NLRP4: variants seen among roughly 807,000 people sequenced by gnomAD.
The protein encoded by NLRP4 is NLR family pyrin domain containing 4, also known as NACHT, LRR and PYD domains-containing protein 4.
Under a neutral mutation model 84.7 loss-of-function variants are expected in NLRP4, and 44 were observed. That is an observed-to-expected ratio of 0.52 (90% CI 0.41 to 0.67). The LOEUF is 0.67. Among genes scored for constraint, NLRP4 ranks in the 30% least tolerant of loss-of-function variants. NLRP4 has a pLI of 0.00. For synonymous variants in NLRP4, 544 were observed against 476.4 expected (o/e 1.14, Z -1.85); for missense variants, 1,260 against 1,219.4 (o/e 1.03, Z -0.50).
At chr19:55,849,794 CTG>C in intron 1 of NLRP4, among the ~76,000 whole-genome samples, 2 of 149,770 alleles carry the variant, frequency 1.3e-5, no homozygotes, top group African/African-American at 2.5e-5. Flanking sequence ...ATTTCCAAAG[CTG>C]CGGTGTAATT....
intron 7 of NLRP4, among the ~76,000 whole-genome samples, chr19:55,875,869 A>G (rs1985348105): frequency 1.0e-5 from 1 of 95,486 alleles, no homozygotes; most frequent in Non-Finnish European, 2.1e-5. Flanking sequence ...TCTCTACTGA[A>G]AAAAAAAAAA....
intron 8 of NLRP4, among the ~76,000 whole-genome samples, chr19:55,878,111 T>C (rs755933917): frequency 1.8e-4 from 27 of 152,078 alleles, no homozygotes; most frequent in Non-Finnish European, 3.5e-4. Context: ...AAACCCCATC[T>C]CCATAAAAAT....
chr19:55,873,699 G>A (rs577899689), intron 7 of NLRP4, among the ~76,000 whole-genome samples: 7 of 152,162 alleles, frequency 4.6e-5, no homozygotes, highest in African/African-American at 7.2e-5. Context: ...GGAAGCTTAC[G>A]CAACTGTATG....
chr19:55,865,023 C>T (rs183195527), intron 5 of NLRP4, among the ~76,000 whole-genome samples: 5 of 152,256 alleles, frequency 3.3e-5, no homozygotes, highest in African/African-American at 1.2e-4. Context: ...TTCAGGGGTA[C>T]AGGTTTATTA....
chr19:55,879,102 C>G (rs1045622626), intron 9 of NLRP4, 138 bp downstream of exon 9: 1 of 639,172 alleles, frequency 1.6e-6, no homozygotes, highest in African/African-American at 1.8e-5. Flanking sequence ...GGAGTAAGAA[C>G]CAAGCAGGTG....
intron 2 of NLRP4, among the ~76,000 whole-genome samples, chr19:55,854,326 A>G (rs989567435): frequency 3.9e-5 from 6 of 152,102 alleles, no homozygotes; most frequent in Non-Finnish European, 8.8e-5. Context: ...CCTTTTTCAC[A>G]GACTTCCATT....
chr19:55,854,572 A>G (rs1000640507), intron 2 of NLRP4, among the ~76,000 whole-genome samples: 2 of 152,198 alleles, frequency 1.3e-5, no homozygotes, highest in Non-Finnish European at 2.9e-5. Context: ...TGATTCTGGT[A>G]GTAGTTACAG....
chr19:55,858,407 C>T lies in NLRP4; in HGVS notation c.1014C>T (p.Cys338=), dbSNP rs747271732. 5.0e-6 allele frequency: 8 copies of T among 1,614,174 alleles called. No individual in the cohort carries two copies. The Admixed American group carries it at 1.0e-4, about 20-fold the overall frequency. Residue 338 remains cysteine, a synonymous_variant, in exon 3 of 10, where the codon TGC becomes TGT. Transcript: ENST00000301295. The surrounding 1 kb of genome is among the most constrained non-coding windows in gnomAD (Gnocchi z 4.2). ...VRESEQLFSI[C]QIPLLCWILC... ...AAAGTGAACAGCTGTTTTCCATATG[C>T]CAAATCCCGCTCCTCTGCTGGATCC...
intron 1 of NLRP4, among the ~76,000 whole-genome samples, chr19:55,845,711 T>A (rs1188362360): frequency 6.6e-6 from 1 of 151,606 alleles, no homozygotes; most frequent in Admixed American, 6.6e-5. Flanking sequence ...TTTTTAATGA[T>A]CACCATTCTA....
intron 6 of NLRP4, among the ~76,000 whole-genome samples, chr19:55,870,617 C>T (rs1013963928): frequency 2.0e-5 from 3 of 152,140 alleles, no homozygotes; most frequent in African/African-American, 7.2e-5. Context: ...GAGCCAAGAT[C>T]GCGCCGTTGC....
In NLRP4 at chr19:55,850,130, C is replaced by T. The variant is rs906780716; in HGVS notation, c.-65-1886C>T. On this transcript the variant is annotated intron_variant, in intron 1 of 9. Transcript: ENST00000301295. ...ATTACCGTAGCTGCGGTGTAATTTC[C>T]GTGGCTGCGGTGTAATTTCCGAGGC... Among the ~76,000 whole-genome samples the T allele has an allele frequency of 5.0e-5, 7 of 140,748 alleles. No individual in the cohort carries two copies. The East Asian group carries it at 1.1e-3, about 23-fold the overall frequency. 92.3% of individuals were successfully genotyped at this position (140,748 alleles called of 152,430 possible). A position where few individuals can be genotyped will look rare whatever the true frequency, so the allele number is the denominator to read the frequency against.
chr19:55,854,151 T>G (rs917475396), intron 2 of NLRP4, among the ~76,000 whole-genome samples: 1 of 152,080 alleles, frequency 6.6e-6, no homozygotes, highest in Admixed American at 6.5e-5. Context: ...TTTGTATTTT[T>G]AGTAGAAACA....
chr19:55,867,769 CA>C lies in NLRP4; in HGVS notation c.2249del (p.Asn750ThrfsTer4), dbSNP rs1255716839. 1 of 1,614,098 alleles carries C rather than the reference CA, an allele frequency of 6.2e-7. No homozygotes were observed. Among genetic ancestry groups the C allele is most frequent in the Admixed American group, 1.7e-5 (1 of 60,024 alleles). ...CEVLAGLLTNNKKLTYLNVSC... is the reference protein window; with the variant it reads ...CEVLAGLLTNXKKLTYLNVSC... ...AAGTCCTTGCTGGCCTTCTAACCAA[CA>C]ACAAGAAGCTGACGTATCTGAATGT... On this transcript the variant is annotated frameshift_variant, in exon 6 of 10. Transcript: ENST00000301295. LOFTEE classifies it high-confidence loss of function.
At chr19:55,880,011 A>G (rs377062336) in intron 9 of NLRP4, among the ~76,000 whole-genome samples, 22 of 152,078 alleles carry the variant, frequency 1.4e-4, no homozygotes, top group African/African-American at 5.3e-4. Context: ...CTAGATAACT[A>G]TAGAGTCCTT....
chr19:55,858,626 A>T lies in NLRP4; in HGVS notation c.1233A>T (p.Thr411=). 1 of 1,614,116 alleles carries T rather than the reference A, an allele frequency of 6.2e-7. No homozygotes were observed. ...CTGCAGAGGGTATGTGGACAGACAC[A>T]TTTGAGTTTTGTGAAGACGACCTCC... ...SLAAEGMWTD[T]FEFCEDDLRR... is the part of the protein sequence containing the mutation. Residue 411 remains threonine, a synonymous_variant, in exon 3 of 10, where the codon ACA becomes ACT. Transcript: ENST00000301295. This position sits in a 1 kb window ranked among gnomAD's most constrained non-coding sequence, Gnocchi z 4.2.
intron 6 of NLRP4, among the ~76,000 whole-genome samples, chr19:55,869,393 A>C (rs202142162): frequency 0.04 from 5,888 of 146,982 alleles, 245 homozygotes; most frequent in Middle Eastern, 0.13. Context: ...CAAAAAAAAA[A>C]CAAAAAACAA....
rs758793249 is a variant in NLRP4, at chr19:55,858,789, C to G, written c.1396C>G (p.Leu466Val). The change falls in exon 3 of 10, where the codon CTC becomes GTC. Residue 466 changes from leucine to valine, a missense_variant. Leu to Val is a conservative substitution (Grantham distance 32, BLOSUM62 1). This residue lies in a region of NLRP4 where 712 missense variants were observed against 669.2 expected (regional missense o/e 1.06). Coordinates refer to ENST00000301295, the MANE Select transcript of NLRP4 (RefSeq NM_134444.5). This position sits in a 1 kb window ranked among gnomAD's most constrained non-coding sequence, Gnocchi z 4.2. ...QEFCAALFYL[L>V]KSHLDHPHPA... ...GTTCTGTGCCGCCTTGTTCTATTTG[C>G]TCAAGAGCCACCTTGATCATCCTCA... 1 of 1,614,164 alleles carries G rather than the reference C, an allele frequency of 6.2e-7. No individual in the cohort carries two copies. Among genetic ancestry groups the G allele is most frequent in the South Asian group, 1.1e-5 (1 of 91,084 alleles).
chr19:55,860,629 A>C (rs1368205435), intron 3 of NLRP4, among the ~76,000 whole-genome samples: 1 of 152,082 alleles, frequency 6.6e-6, no homozygotes, highest in Non-Finnish European at 1.5e-5. Flanking sequence ...ATCCTGTTAC[A>C]GGTGAGGAAA....
intron 3 of NLRP4, 120 bp downstream of exon 3, chr19:55,859,369 A>C: frequency 1.3e-6 from 1 of 782,290 alleles, no homozygotes; most frequent in Non-Finnish European, 2.0e-6. Context: ...TCTGCCACAA[A>C]ACCTCAGCTC....
Sources: gnomAD v4.1 joint callset for allele counts (sites outside exome capture counted in the v4.1 genomes callset) on GRCh38, gnomAD v4.1.1 for gene constraint, gnomAD v4.1.1 regional missense constraint, Gnocchi (gnomAD v3.1) non-coding constraint, MANE v1.5 for transcripts, NCBI Gene and HGNC (gene_info 2026-07-23, HGNC 2026-07-21) for gene names.